Variants in C1orf105 observed in about 807,000 individuals in gnomAD.
C1orf105 encodes the protein uncharacterized protein C1orf105.
C1orf105 carries 17 observed loss-of-function variants against 20.8 expected under a neutral mutation model. The ratio of observed to expected loss-of-function variants is 0.82; its 90% CI spans 0.56 to 1.23. The LOEUF is 1.23. Ranked by LOEUF, C1orf105 falls within the 50% of genes most tolerant of loss-of-function variation. The probability of loss-of-function intolerance (pLI) is 0.00; values close to 1 mark genes in which losing one functional copy is unlikely to be tolerated. For missense variants in C1orf105, 219 were observed against 213.5 expected, an observed-to-expected ratio of 1.03 and a Z score of -0.16; for synonymous variants, 72 against 72.1, an observed-to-expected ratio of 1.00 and a Z score of 0.01.
chr1:172,425,533 T>G (rs747570291), intron 1 of C1orf105, among the ~76,000 whole-genome samples: 24 of 152,108 alleles, frequency 1.6e-4, no homozygotes, highest in Non-Finnish European at 2.5e-4. Flanking sequence ...GCCTCTCCCC[T>G]GCAGCTGAGC....
intron 5 of C1orf105, among the ~76,000 whole-genome samples, chr1:172,463,981 C>T (rs916921735): frequency 3.3e-5 from 5 of 152,118 alleles, no homozygotes; most frequent in Non-Finnish European, 7.3e-5. Flanking sequence ...GTTTCTAGCA[C>T]TAGATATTGG....
intron 5 of C1orf105, among the ~76,000 whole-genome samples, chr1:172,463,822 C>A (rs1649858518): frequency 6.6e-6 from 1 of 152,176 alleles, no homozygotes; most frequent in East Asian, 1.9e-4. Context: ...GTTCTAAAAT[C>A]ATGTCAACAT....
chr1:172,438,375 G>C (rs1002684861), intron 1 of C1orf105, among the ~76,000 whole-genome samples: 1 of 152,208 alleles, frequency 6.6e-6, no homozygotes, highest in Non-Finnish European at 1.5e-5. Flanking sequence ...ATAGGAGTTT[G>C]GAAGATGTTG....
In C1orf105 at chr1:172,420,876, G is replaced by C; in HGVS notation, c.-10G>C. 6.2e-7 allele frequency: 1 copy of C among 1,611,618 alleles called. No homozygotes were observed. The highest frequency in any genetic ancestry group is 8.5e-7 in the Non-Finnish European group (1 of 1,178,172). On this transcript the variant is annotated 5_prime_UTR_variant, in exon 1 of 7. Transcript: ENST00000367727. Reference sequence around the variant, plus strand: ...GCTAGAAAAACTCAGAACATCTAAAGATCTGAAAGATGGAAAAAAGAGAAC... The same window carrying C: ...GCTAGAAAAACTCAGAACATCTAAACATCTGAAAGATGGAAAAAAGAGAAC...
At chr1:172,442,538 CAT>C in intron 1 of C1orf105, 1 of 1,614,210 alleles carries the variant, frequency 6.2e-7, no homozygotes, top group South Asian at 1.1e-5. Context: ...CGCCGGTCCA[CAT>C]AGTTATCAGG....
At chr1:172,453,152 T>C in intron 3 of C1orf105, 1 of 1,551,084 alleles carries the variant, frequency 6.4e-7, no homozygotes, top group Non-Finnish European at 8.7e-7. Context: ...GGAGCAGCTC[T>C]TCTTGGAGGC....
rs901411715 is a variant in C1orf105 at position 172,461,318 on chromosome 1, A to G, written c.274-860A>G. On this transcript the variant is annotated intron_variant, in intron 4 of 6. Coordinates refer to ENST00000367727, the MANE Select transcript of C1orf105 (RefSeq NM_139240.4). The stretch of plus-strand genomic sequence containing the variant: ...AAGCACCTCTAAAGGTCCTTAATAC[A>G]TTGTAATTTGTAACTTTGTTATGTC... Among the ~76,000 whole-genome samples, 9 of 151,926 alleles carry G rather than the reference A, an allele frequency of 5.9e-5. No homozygotes were observed. In the Middle Eastern group the frequency reaches 0.01, roughly 172 times the overall value.
chr1:172,442,254 G>A lies in C1orf105; in HGVS notation c.22-2819G>A, dbSNP rs776975185. ...CATAAGTGAAAGTAATGAAGACTAG[G>A]GCACTCTTCAGGTCAGCCCACCGGG... is the stretch of plus-strand genomic sequence containing the variant. On this transcript the variant is annotated intron_variant, in intron 1 of 6. Coordinates refer to ENST00000367727, the MANE Select transcript of C1orf105 (RefSeq NM_139240.4). 3 of 1,613,750 alleles carry A rather than the reference G, an allele frequency of 1.9e-6. No individual in the cohort carries two copies. In the South Asian group the frequency reaches 3.3e-5, roughly 18 times the overall value.
chr1:172,444,393 G>A (rs1447288926), intron 1 of C1orf105: 1 of 700,724 alleles, frequency 1.4e-6, no homozygotes, highest in Non-Finnish European at 1.8e-6. Context: ...GACTTCCCGT[G>A]CATCCATGCG....
At chr1:172,458,493 G>A (rs1036517308) in intron 4 of C1orf105, among the ~76,000 whole-genome samples, 2 of 152,072 alleles carry the variant, frequency 1.3e-5, no homozygotes, top group Non-Finnish European at 2.9e-5. Flanking sequence ...AATTTAACAC[G>A]AGAAGCACAA....
At chr1:172,441,671 A>G (rs1235762844) in intron 1 of C1orf105, 6 of 1,370,474 alleles carry the variant, frequency 4.4e-6, no homozygotes, top group Non-Finnish European at 6.0e-6. Context: ...TTTAAGTTCT[A>G]TACTAGTTAG....
intron 1 of C1orf105, among the ~76,000 whole-genome samples, chr1:172,424,386 TTC>T (rs1558121887): frequency 6.6e-6 from 1 of 152,220 alleles, no homozygotes; most frequent in Non-Finnish European, 1.5e-5. Context: ...TTATATTCCC[TTC>T]TCTTTTTTAT....
chr1:172,436,704 C>A (rs558104230), intron 1 of C1orf105, among the ~76,000 whole-genome samples: 1 of 152,232 alleles, frequency 6.6e-6, no homozygotes, highest in Admixed American at 6.5e-5. Context: ...GACTAAAACA[C>A]CAAAAGCAAT....
At chr1:172,455,360 A>T (rs1035041209) in intron 3 of C1orf105, among the ~76,000 whole-genome samples, 3 of 152,156 alleles carry the variant, frequency 2.0e-5, no homozygotes, top group Non-Finnish European at 2.9e-5. Context: ...TCCCAGGGCA[A>T]CAGGAATGGG....
chr1:172,440,410 C>G (rs1281026867), intron 1 of C1orf105, among the ~76,000 whole-genome samples: 1 of 152,206 alleles, frequency 6.6e-6, no homozygotes, highest in African/African-American at 2.4e-5. Context: ...TGCTTCGTAT[C>G]AGGGATTCTT....
At chr1:172,430,094 T>C (rs961877196) in intron 1 of C1orf105, among the ~76,000 whole-genome samples, 2 of 152,202 alleles carry the variant, frequency 1.3e-5, no homozygotes, top group African/African-American at 4.8e-5. Flanking sequence ...ATTCCAATGC[T>C]ACTGTAAACT....
intron 3 of C1orf105, among the ~76,000 whole-genome samples, chr1:172,449,384 G>C (rs1214609779): frequency 2.0e-5 from 3 of 152,092 alleles, no homozygotes; most frequent in Non-Finnish European, 4.4e-5. Context: ...GTTACCCCCA[G>C]GTTGGGCAAG....
intron 4 of C1orf105, among the ~76,000 whole-genome samples, chr1:172,458,970 C>A (rs374723735): frequency 6.6e-6 from 1 of 152,014 alleles, no homozygotes; most frequent in South Asian, 2.1e-4. Context: ...ATAAGTGGTA[C>A]GGGGGCAGCT....
chr1:172,452,895 A>C, intron 3 of C1orf105: 1 of 1,485,304 alleles, frequency 6.7e-7, no homozygotes, highest in Non-Finnish European at 8.9e-7. Flanking sequence ...GTGAATGTGG[A>C]CAATTCCCTC....
Sources: gnomAD v4.1 joint callset for allele counts (sites outside exome capture counted in the v4.1 genomes callset) on GRCh38, gnomAD v4.1.1 for gene constraint, MANE v1.5 for transcripts, NCBI Gene and HGNC (gene_info 2026-07-23, HGNC 2026-07-21) for gene names.